Variants in PRKN observed in about 807,000 individuals in gnomAD.
PRKN encodes parkin RBR E3 ubiquitin protein ligase.
A neutral mutation model predicts 59.5 loss-of-function variants in PRKN; 56 were observed. That is an observed-to-expected ratio of 0.94 (90% CI 0.76 to 1.18). The LOEUF is 1.18. Ranked by LOEUF, PRKN falls within the 50% of genes most tolerant of loss-of-function variation. The pLI, the probability that PRKN is intolerant of heterozygous loss-of-function variation, is 0.00. For synonymous variants in PRKN, 250 were observed against 222.1 expected, an observed-to-expected ratio of 1.13 and a Z score of -1.12; for missense variants, 657 against 596.4, an observed-to-expected ratio of 1.10 and a Z score of -1.06.
intron 2 of PRKN, among the ~76,000 whole-genome samples, chr6:162,381,542 C>CT (rs375207396): frequency 2.6e-5 from 4 of 152,176 alleles, no homozygotes; most frequent in African/African-American, 9.7e-5. Flanking sequence ...AAATCCCCAT[C>CT]TGTGGAACAA....
intron 1 of PRKN, among the ~76,000 whole-genome samples, chr6:162,559,456 T>C (rs9458594): frequency 0.23 from 35,198 of 151,936 alleles, 5,037 homozygotes; most frequent in African/African-American, 0.4. Context: ...AGACAGCCCA[T>C]AGTTATCATT....
At chr6:161,645,318 GA>G (rs1296823133) in intron 7 of PRKN, among the ~76,000 whole-genome samples, 1 of 151,656 alleles carries the variant, frequency 6.6e-6, no homozygotes, top group Non-Finnish European at 1.5e-5. Flanking sequence ...TTAAACCACA[GA>G]TACCATTCAA....
At chr6:161,595,856 A>G (rs1461273472) in intron 7 of PRKN, among the ~76,000 whole-genome samples, 1 of 152,222 alleles carries the variant, frequency 6.6e-6, no homozygotes, top group African/African-American at 2.4e-5. Context: ...GAAAGTGAAA[A>G]AAGAAAGAAC....
chr6:161,363,963 T>A lies in PRKN; in HGVS notation c.1168-3758A>T, dbSNP rs902673352. On this transcript the variant is annotated intron_variant, in intron 10 of 11. Coordinates refer to ENST00000366898, the MANE Select transcript of PRKN (RefSeq NM_004562.3). This position sits in a 1 kb window ranked among gnomAD's most constrained non-coding sequence, Gnocchi z 4.1. Reference sequence around the variant, plus strand: ...TCATGAGGTCAGGAGATTGAGACCATCCTGGCTAACATGCTGAAACCCCAT... The same window carrying A: ...TCATGAGGTCAGGAGATTGAGACCAACCTGGCTAACATGCTGAAACCCCAT... 2.6e-5 allele frequency among the ~76,000 whole-genome samples: 4 copies of A among 151,760 alleles called. No homozygotes were observed. Among genetic ancestry groups the A allele is most frequent in the African/African-American group, 9.7e-5 (4 of 41,288 alleles).
At chr6:162,099,739 G>A (rs528910766) in intron 4 of PRKN, among the ~76,000 whole-genome samples, 3 of 152,180 alleles carry the variant, frequency 2.0e-5, no homozygotes, top group Non-Finnish European at 2.9e-5. Context: ...GAGACAATAT[G>A]TGCATTACCT....
chr6:161,933,129 A>C (rs1231325911), intron 6 of PRKN, among the ~76,000 whole-genome samples: 3 of 152,166 alleles, frequency 2.0e-5, no homozygotes, highest in Non-Finnish European at 2.9e-5. Context: ...AAAATAAAAA[A>C]GTTAGCTAGG....
chr6:162,452,453 C>G (rs894458897), intron 1 of PRKN, among the ~76,000 whole-genome samples: 1 of 151,752 alleles, frequency 6.6e-6, no homozygotes, highest in Non-Finnish European at 1.5e-5. Flanking sequence ...AATATGTATG[C>G]CAAGTATGGC....
At chr6:162,403,877 T>C (rs1169530610) in intron 2 of PRKN, among the ~76,000 whole-genome samples, 2 of 152,158 alleles carry the variant, frequency 1.3e-5, no homozygotes, top group Non-Finnish European at 2.9e-5. Flanking sequence ...CTTATCATCA[T>C]TAAAAAGCTA....
intron 6 of PRKN, among the ~76,000 whole-genome samples, chr6:161,947,765 C>T (rs1165438752): frequency 6.6e-6 from 1 of 152,114 alleles, no homozygotes; most frequent in African/African-American, 2.4e-5. Flanking sequence ...AATGAGCTGC[C>T]TTCATAGATT....
chr6:162,537,463 G>A (rs529672804), intron 1 of PRKN, among the ~76,000 whole-genome samples: 1 of 152,136 alleles, frequency 6.6e-6, no homozygotes, highest in South Asian at 2.1e-4. Context: ...TGGCATAATG[G>A]TCTTGAACTG....
intron 7 of PRKN, among the ~76,000 whole-genome samples, chr6:161,709,187 T>C (rs1056655427): frequency 1.3e-5 from 2 of 152,182 alleles, no homozygotes; most frequent in Non-Finnish European, 1.5e-5. Context: ...GTAATCCAAA[T>C]ACTCTTGGGA....
chr6:162,712,209 T>C (rs990208911), intron 1 of PRKN, among the ~76,000 whole-genome samples: 1 of 152,198 alleles, frequency 6.6e-6, no homozygotes, highest in Non-Finnish European at 1.5e-5. Context: ...ACTCCCTGCA[T>C]GTCTTGTTGG....
At chr6:162,229,928 T>C (rs745814835) in intron 3 of PRKN, among the ~76,000 whole-genome samples, 1 of 152,214 alleles carries the variant, frequency 6.6e-6, no homozygotes, top group Admixed American at 6.5e-5. Context: ...GTCAGCTCCA[T>C]GAGGCTAGGA....
chr6:162,558,774 G>A lies in PRKN; in HGVS notation c.8-115301C>T, dbSNP rs556634804. On this transcript the variant is annotated intron_variant, in intron 1 of 11. Coordinates refer to ENST00000366898, the MANE Select transcript of PRKN (RefSeq NM_004562.3). Reference sequence around the variant, plus strand: ...CTGCCTCAGCCTCCTCTGTACCTGGGATGTGCCACAGGTATGTGCCACACA... The same window carrying A: ...CTGCCTCAGCCTCCTCTGTACCTGGAATGTGCCACAGGTATGTGCCACACA... Among the ~76,000 whole-genome samples the A allele has an allele frequency of 2.4e-4, 36 of 151,938 alleles. 1 individual carries two copies. The South Asian group carries it at 6.9e-3, about 29-fold the overall frequency.
intron 2 of PRKN, among the ~76,000 whole-genome samples, chr6:162,367,392 A>G (rs1303107522): frequency 6.6e-6 from 1 of 152,206 alleles, no homozygotes; most frequent in East Asian, 1.9e-4. Flanking sequence ...TTTCTTTTGA[A>G]AATGTGATTT....
chr6:162,155,271 T>C (rs1782461044), intron 4 of PRKN, among the ~76,000 whole-genome samples: 2 of 152,176 alleles, frequency 1.3e-5, no homozygotes, highest in South Asian at 2.1e-4. Context: ...ATATCTGATA[T>C]TTTGCCATAT....
At chr6:162,457,577 A>T (rs1790939686) in intron 1 of PRKN, among the ~76,000 whole-genome samples, 1 of 150,612 alleles carries the variant, frequency 6.6e-6, no homozygotes, top group Admixed American at 6.6e-5. Flanking sequence ...ATAGAAGCTA[A>T]AATCACAATG....
chr6:161,364,372 T>A (rs1317700731), intron 10 of PRKN, among the ~76,000 whole-genome samples: 1 of 138,172 alleles, frequency 7.2e-6, no homozygotes, highest in Non-Finnish European at 1.5e-5. Flanking sequence ...GGCAGGAGAA[T>A]CATTTGAACC....
At chr6:162,132,343 T>G (rs1427350613) in intron 4 of PRKN, among the ~76,000 whole-genome samples, 2 of 151,992 alleles carry the variant, frequency 1.3e-5, no homozygotes, top group Non-Finnish European at 2.9e-5. Flanking sequence ...ATGTGAGGAA[T>G]GAAATGGCCA....
Sources: gnomAD v4.1 joint callset for allele counts (sites outside exome capture counted in the v4.1 genomes callset) on GRCh38, gnomAD v4.1.1 for gene constraint, Gnocchi (gnomAD v3.1) non-coding constraint, MANE v1.5 for transcripts, NCBI Gene and HGNC (gene_info 2026-07-23, HGNC 2026-07-21) for gene names.